The following PLCL1 variants were observed in gnomAD, a reference collection of about 807,000 sequenced individuals.
PLCL1 encodes phospholipase C like 1 (inactive).
In PLCL1, 41 loss-of-function variants were observed where a neutral mutation model predicts 84.4. The observed-to-expected ratio is 0.49, with a 90% CI of 0.38 to 0.63. The LOEUF is 0.63. Among genes scored for constraint, PLCL1 ranks in the 30% least tolerant of loss-of-function variants. PLCL1 has a pLI of 0.00. For synonymous variants in PLCL1, 490 were observed against 488.3 expected (o/e 1.00, Z -0.05); for missense variants, 1,206 against 1,367.8 (o/e 0.88, Z 1.87).
intron 5 of PLCL1, among the ~76,000 whole-genome samples, chr2:198,143,026 G>T (rs1694425055): frequency 6.6e-6 from 1 of 151,866 alleles, no homozygotes; most frequent in Admixed American, 6.6e-5. Flanking sequence ...AATTCTCCTG[G>T]GGTTCCTCCT....
intron 1 of PLCL1, among the ~76,000 whole-genome samples, chr2:198,067,439 C>T (rs1040064122): frequency 1.3e-5 from 2 of 152,118 alleles, no homozygotes; most frequent in African/African-American, 4.8e-5. Flanking sequence ...TTGTGGCCCT[C>T]TTTTTGAGCG....
At chr2:197,850,219 G>C (rs1687208434) in intron 1 of PLCL1, among the ~76,000 whole-genome samples, 1 of 152,120 alleles carries the variant, frequency 6.6e-6, no homozygotes, top group African/African-American at 2.4e-5. Flanking sequence ...GTTTCTACCT[G>C]CTCTAACTGT....
intron 1 of PLCL1, among the ~76,000 whole-genome samples, chr2:197,827,031 G>A (rs1690944749): frequency 1.3e-5 from 2 of 152,104 alleles, no homozygotes; most frequent in Non-Finnish European, 2.9e-5. Flanking sequence ...AGTTCTCACT[G>A]CTACACTAGT....
intron 1 of PLCL1, among the ~76,000 whole-genome samples, chr2:197,972,782 C>T (rs576982255): frequency 3.3e-5 from 5 of 152,244 alleles, no homozygotes; most frequent in Admixed American, 2.6e-4. Flanking sequence ...TATATGTCAG[C>T]AAAATTTTTT....
intron 1 of PLCL1, among the ~76,000 whole-genome samples, chr2:197,890,815 G>GACACA (rs1688010495): frequency 3.3e-5 from 1 of 30,428 alleles, no homozygotes; most frequent in Non-Finnish European, 6.3e-5. Context: ...CTATATATGT[G>GACACA]TATATATACA....
intron 1 of PLCL1, among the ~76,000 whole-genome samples, chr2:197,834,401 C>T (rs1040476954): frequency 1.3e-5 from 2 of 152,032 alleles, no homozygotes; most frequent in Admixed American, 1.3e-4. Flanking sequence ...GCCATGTAGC[C>T]ATCTGACAAA....
rs375453583 is a variant in PLCL1 at position 197,925,340 on chromosome 2, G to A, written c.240+120001G>A. ...AAAAATCAGTTAGCTTGAATTTTGA[G>A]TGGGGTGTTTCAGTTCTAGCTAGTG... is the stretch of plus-strand genomic sequence containing the variant. On this transcript the variant is annotated intron_variant, in intron 1 of 5. Coordinates refer to ENST00000428675, the MANE Select transcript of PLCL1 (RefSeq NM_006226.4). Among the ~76,000 whole-genome samples, 30 of 152,290 alleles carry A rather than the reference G, an allele frequency of 2.0e-4. No homozygotes were observed. In the East Asian group the frequency reaches 5.2e-3, roughly 26 times the overall value.
intron 1 of PLCL1, among the ~76,000 whole-genome samples, chr2:197,813,792 G>A (rs949381486): frequency 6.6e-6 from 1 of 152,086 alleles, no homozygotes; most frequent in East Asian, 1.9e-4. Context: ...GCTAATAAAC[G>A]CAGAGCCAAG....
intron 1 of PLCL1, among the ~76,000 whole-genome samples, chr2:198,033,110 A>G (rs1462815304): frequency 6.6e-6 from 1 of 152,230 alleles, no homozygotes; most frequent in Non-Finnish European, 1.5e-5. Flanking sequence ...TGTGATTCTT[A>G]TAAATGGGAA....
In PLCL1 at chr2:198,073,682, T is replaced by A. The variant is rs75166935; in HGVS notation, c.241-10076T>A. On this transcript the variant is annotated intron_variant, in intron 1 of 5. Transcript: ENST00000428675. Reference sequence around the variant, plus strand: ...TTCAGAGATCTGTCTTATGGAAAACTCAGAGATTGCTTTAAGGGGTTTGTT... The same window carrying A: ...TTCAGAGATCTGTCTTATGGAAAACACAGAGATTGCTTTAAGGGGTTTGTT... Among the ~76,000 whole-genome samples, 295 of 152,330 alleles carry A rather than the reference T, an allele frequency of 1.9e-3. 2 individuals are homozygous for A. Among genetic ancestry groups the A allele is most frequent in the African/African-American group, 6.3e-3 (262 of 41,580 alleles).
chr2:198,016,293 G>A (rs983008247), intron 1 of PLCL1, among the ~76,000 whole-genome samples: 1 of 152,178 alleles, frequency 6.6e-6, no homozygotes, highest in Non-Finnish European at 1.5e-5. Flanking sequence ...CATGTTACTT[G>A]TCGTGCTCAC....
At chr2:198,138,086 C>A (rs936045194) in intron 5 of PLCL1, among the ~76,000 whole-genome samples, 28 of 152,128 alleles carry the variant, frequency 1.8e-4, no homozygotes, top group Non-Finnish European at 8.8e-5. Context: ...TTAAGTCCTG[C>A]CTGAGTAAAC....
intron 5 of PLCL1, among the ~76,000 whole-genome samples, chr2:198,129,926 A>G (rs748188248): frequency 2.2e-4 from 33 of 152,142 alleles, no homozygotes; most frequent in African/African-American, 7.0e-4. Flanking sequence ...TCTCATGGAC[A>G]CTTTTCCAGT....
chr2:197,962,610 C>G (rs1689646066), intron 1 of PLCL1, among the ~76,000 whole-genome samples: 1 of 151,906 alleles, frequency 6.6e-6, no homozygotes, highest in Non-Finnish European at 1.5e-5. Context: ...TCCAATTATA[C>G]TTTTAGTTAT....
At chr2:197,957,090 T>C (rs532550388) in intron 1 of PLCL1, among the ~76,000 whole-genome samples, 155 of 152,208 alleles carry the variant, frequency 1.0e-3, no homozygotes, top group African/African-American at 3.6e-3. Context: ...CCTTCTATCT[T>C]ATAATCAAGT....
chr2:198,146,992 C>G lies in PLCL1; in HGVS notation c.*30C>G. 2 of 1,531,282 alleles carry G rather than the reference C, an allele frequency of 1.3e-6. No individual in the cohort carries two copies. The highest frequency in any genetic ancestry group is 1.8e-6 in the Non-Finnish European group (2 of 1,132,050). The allele number at this position is 1,531,282 out of a possible 1,614,324, so 94.9% of individuals were successfully genotyped here. ...GGGCATTATCGACACGTTCACCCAT[C>G]TTATCAAGGACTCTGGTTTCTCATT... On this transcript the variant is annotated 3_prime_UTR_variant, in exon 6 of 6. Coordinates refer to ENST00000428675, the MANE Select transcript of PLCL1 (RefSeq NM_006226.4).
At chr2:197,836,782 A>C (rs1014666042) in intron 1 of PLCL1, among the ~76,000 whole-genome samples, 1 of 152,174 alleles carries the variant, frequency 6.6e-6, no homozygotes, top group African/African-American at 2.4e-5. Context: ...GTGCAGTGAC[A>C]TGATCATGGC....
chr2:198,002,928 C>G (rs1196796970), intron 1 of PLCL1, among the ~76,000 whole-genome samples: 4 of 152,100 alleles, frequency 2.6e-5, no homozygotes, highest in African/African-American at 7.2e-5. Flanking sequence ...TTAAGGGAAG[C>G]CCATATTTGC....
At position 197,981,324 on chromosome 2, in the gene PLCL1, A is replaced by T. The variant is rs188713842; in HGVS notation, c.241-102434A>T. Among the ~76,000 whole-genome samples, 8 of 152,294 alleles carry T rather than the reference A, an allele frequency of 5.3e-5. No individual in the cohort carries two copies. In the East Asian group the frequency reaches 1.3e-3, roughly 26 times the overall value. Reference sequence around the variant, plus strand: ...CAACAGGAAAATGATATGAAAACACATGTAGAAAAATGATTTAGATTCTAA... The same window carrying T: ...CAACAGGAAAATGATATGAAAACACTTGTAGAAAAATGATTTAGATTCTAA... On this transcript the variant is annotated intron_variant, in intron 1 of 5. Coordinates refer to ENST00000428675, the MANE Select transcript of PLCL1 (RefSeq NM_006226.4).
Sources: allele counts gnomAD v4.1 joint callset (sites outside exome capture counted in the v4.1 genomes callset), GRCh38; gene constraint gnomAD v4.1.1; transcripts MANE v1.5; gene names NCBI Gene and HGNC (gene_info 2026-07-23, HGNC 2026-07-21).